Variants in RTF1 observed in about 807,000 individuals in gnomAD.
The protein encoded by RTF1 is RTF1 homolog, Paf1/RNA polymerase II complex component.
Under a neutral mutation model 95.7 loss-of-function variants are expected in RTF1, and 10 were observed. That is an observed-to-expected ratio of 0.10 (90% confidence interval 0.06 to 0.18). The LOEUF (loss-of-function observed/expected upper bound fraction) is 0.18. Ranked by LOEUF, RTF1 falls within the 10% of genes least tolerant of loss-of-function variation. RTF1 has a pLI of 1.00. For synonymous variants in RTF1, 305 were observed against 311.8 expected, an observed-to-expected ratio of 0.98 and a Z score of 0.23; for missense variants, 458 against 875.6, an observed-to-expected ratio of 0.52 and a Z score of 6.02.
intron 2 of RTF1, among the ~76,000 whole-genome samples, chr15:41,442,334 A>AT (rs1260981941): frequency 6.6e-6 from 1 of 151,534 alleles, no homozygotes; most frequent in Admixed American, 6.6e-5. Context: ...CGCCTGGCTA[A>AT]TTTTTTGTAT....
chr15:41,435,918 C>T (rs1053169087), intron 1 of RTF1, among the ~76,000 whole-genome samples: 1 of 152,228 alleles, frequency 6.6e-6, no homozygotes, highest in African/African-American at 2.4e-5. Flanking sequence ...CAGTTAGGAG[C>T]CAGGATTCTG....
chr15:41,477,665 A>G (rs2050948598), intron 14 of RTF1, 150 bp downstream of exon 14: 2 of 679,904 alleles, frequency 2.9e-6, no homozygotes, highest in East Asian at 2.7e-5. Flanking sequence ...ACGTACATCG[A>G]TATAATTTAT....
intron 1 of RTF1, among the ~76,000 whole-genome samples, chr15:41,428,010 C>T (rs2050645517): frequency 6.6e-6 from 1 of 151,744 alleles, no homozygotes; most frequent in Admixed American, 6.6e-5. Flanking sequence ...TGGTCTTGAT[C>T]TCCTGACCTC....
At chr15:41,453,266 C>G (rs1370517586) in intron 3 of RTF1, among the ~76,000 whole-genome samples, 1 of 152,144 alleles carries the variant, frequency 6.6e-6, no homozygotes, top group East Asian at 1.9e-4. Context: ...ACCCCTGAAA[C>G]CTATCCCTGG....
At chr15:41,426,149 G>A (rs1346311943) in intron 1 of RTF1, among the ~76,000 whole-genome samples, 1 of 151,864 alleles carries the variant, frequency 6.6e-6, no homozygotes, top group African/African-American at 2.4e-5. Flanking sequence ...TTTTGGAGGT[G>A]GAGTCTCGCT....
chr15:41,475,120 A>C (rs1412218612), intron 9 of RTF1, among the ~76,000 whole-genome samples: 1 of 152,150 alleles, frequency 6.6e-6, no homozygotes, highest in Non-Finnish European at 1.5e-5. Flanking sequence ...ATATTTACCG[A>C]ATGTACAGTG....
chr15:41,435,998 T>G (rs1027333498), intron 1 of RTF1, among the ~76,000 whole-genome samples: 2 of 152,062 alleles, frequency 1.3e-5, no homozygotes, highest in African/African-American at 4.8e-5. Context: ...ACAGCTTGGG[T>G]AAGTTACTTA....
rs147602000 is a variant in RTF1 at position 41,429,743 on chromosome 15, T to G, written c.199-8578T>G. On this transcript the variant is annotated intron_variant, in intron 1 of 17. Coordinates refer to ENST00000389629, the MANE Select transcript of RTF1 (RefSeq NM_015138.5). The stretch of plus-strand genomic sequence containing the variant: ...CTGAAGGCCTCTGTCCAGAAAACTG[T>G]ACCATCTTTTCCTCTCGTGAAGTTT... Among the ~76,000 whole-genome samples, 613 of 152,158 alleles carry G rather than the reference T, an allele frequency of 4.0e-3. 6 individuals are homozygous for G. The highest frequency in any genetic ancestry group is 0.014 in the African/African-American group (590 of 41,540).
chr15:41,468,374 G>A (rs762050658), intron 6 of RTF1, among the ~76,000 whole-genome samples: 25 of 152,004 alleles, frequency 1.6e-4, no homozygotes, highest in Admixed American at 7.9e-4. Flanking sequence ...TTGGAGTGCA[G>A]TGGCGCGATC....
intron 2 of RTF1, among the ~76,000 whole-genome samples, chr15:41,441,835 C>T (rs147761057): frequency 6.6e-6 from 1 of 152,162 alleles, no homozygotes; most frequent in East Asian, 1.9e-4. Context: ...TAACTCTACT[C>T]CAGTCCCTCT....
chr15:41,462,546 C>G (rs2050855788), intron 4 of RTF1, among the ~76,000 whole-genome samples: 1 of 152,164 alleles, frequency 6.6e-6, no homozygotes, highest in African/African-American at 2.4e-5. Context: ...TAAACTATCA[C>G]TAACTCTAAA....
intron 4 of RTF1, 24 bp from the exon 5 acceptor site, chr15:41,464,747 A>T (rs747347912): frequency 6.6e-7 from 1 of 1,524,548 alleles, no homozygotes; most frequent in African/African-American, 1.4e-5. Flanking sequence ...ATTGCTACTT[A>T]AAAACCAAAT....
At chr15:41,464,571 A>C (rs2050870942) in intron 4 of RTF1, among the ~76,000 whole-genome samples, 200 bp from the exon 5 acceptor site, 1 of 152,076 alleles carries the variant, frequency 6.6e-6, no homozygotes, top group Non-Finnish European at 1.5e-5. Context: ...ATTCCAACTT[A>C]ATGCTATCAA....
chr15:41,449,700 G>A (rs1452973284), intron 2 of RTF1, among the ~76,000 whole-genome samples: 3 of 151,508 alleles, frequency 2.0e-5, no homozygotes, highest in Non-Finnish European at 4.4e-5. Flanking sequence ...GCACTGTGGT[G>A]TGTTTCTCTA....
intron 1 of RTF1, among the ~76,000 whole-genome samples, chr15:41,425,056 C>T (rs1255131587): frequency 1.3e-5 from 2 of 152,100 alleles, no homozygotes; most frequent in Admixed American, 1.3e-4. Flanking sequence ...GGGCGTCAGC[C>T]TCCCCGGTGG....
chr15:41,452,385 C>A (rs149474937), intron 2 of RTF1, among the ~76,000 whole-genome samples: 94 of 152,064 alleles, frequency 6.2e-4, no homozygotes, highest in African/African-American at 2.1e-3. Flanking sequence ...GCTAAGAGCC[C>A]GAGATCGCAC....
At chr15:41,425,211 C>T (rs1053931887) in intron 1 of RTF1, among the ~76,000 whole-genome samples, 3 of 152,082 alleles carry the variant, frequency 2.0e-5, no homozygotes, top group Non-Finnish European at 2.9e-5. Flanking sequence ...ATACCATTCT[C>T]CTGCCTCAGC....
chr15:41,459,206 C>T (rs747519324), intron 4 of RTF1, among the ~76,000 whole-genome samples: 7 of 152,132 alleles, frequency 4.6e-5, no homozygotes, highest in Non-Finnish European at 1.0e-4. Context: ...CATGGCAAAA[C>T]GCTCTCTCCT....
At chr15:41,474,388 C>T (rs1211553807) in intron 8 of RTF1, among the ~76,000 whole-genome samples, 1 of 152,160 alleles carries the variant, frequency 6.6e-6, no homozygotes, top group Non-Finnish European at 1.5e-5. Context: ...TCCAGTGGGC[C>T]CCATCGGGCT....
Sources: gnomAD v4.1 joint callset for allele counts (sites outside exome capture counted in the v4.1 genomes callset) on GRCh38, gnomAD v4.1.1 for gene constraint, MANE v1.5 for transcripts, NCBI Gene and HGNC (gene_info 2026-07-23, HGNC 2026-07-21) for gene names.